Variants in TOX3 observed in about 807,000 individuals in gnomAD.
TOX3 encodes the protein TOX high mobility group box family member 3.
Under a neutral mutation model 64.3 loss-of-function variants are expected in TOX3, and 22 were observed. That is an observed-to-expected ratio of 0.34 (90% CI 0.24 to 0.49). The LOEUF is 0.49. TOX3 is among the 20% of genes least tolerant of loss of function. TOX3 has a pLI of 0.99. For missense variants in TOX3, 661 were observed against 714.4 expected (o/e 0.93, Z 0.85); for synonymous variants, 291 against 273.6 (o/e 1.06, Z -0.63).
chr16:52,533,472 C>T (rs911382610), intron 1 of TOX3, among the ~76,000 whole-genome samples: 1 of 152,170 alleles, frequency 6.6e-6, no homozygotes, highest in Non-Finnish European at 1.5e-5. Context: ...AAGCCATCTT[C>T]GACACCTCCC....
At chr16:52,529,920 A>G (rs1312410374) in intron 1 of TOX3, among the ~76,000 whole-genome samples, 4 of 152,252 alleles carry the variant, frequency 2.6e-5, no homozygotes, top group African/African-American at 9.6e-5. Context: ...GTGCAATTCA[A>G]TAAAGCAGAG....
intron 5 of TOX3, chr16:52,445,669 T>G: frequency 4.0e-6 from 1 of 250,264 alleles, no homozygotes; most frequent in Non-Finnish European, 7.7e-6. Context: ...TGTAGTGCCC[T>G]TTTTGAACAA....
chr16:52,524,419 T>G (rs189349207), intron 1 of TOX3, among the ~76,000 whole-genome samples: 1 of 152,350 alleles, frequency 6.6e-6, no homozygotes, highest in African/African-American at 2.4e-5. Context: ...CAATTCTTTC[T>G]TCCTAAAATT....
At chr16:52,473,220 A>C (rs1961100283) in intron 1 of TOX3, among the ~76,000 whole-genome samples, 1 of 152,142 alleles carries the variant, frequency 6.6e-6, no homozygotes, top group Non-Finnish European at 1.5e-5. Context: ...TAATCACAAG[A>C]CGAATACTTC....
intron 1 of TOX3, among the ~76,000 whole-genome samples, chr16:52,545,635 G>A (rs3891563): frequency 6.6e-6 from 1 of 152,222 alleles, no homozygotes; most frequent in African/African-American, 2.4e-5. Context: ...GGGAGGAGCA[G>A]GAGGAAGGGG....
intron 6 of TOX3, among the ~76,000 whole-genome samples, chr16:52,441,866 G>C (rs747729260): frequency 6.6e-6 from 1 of 152,178 alleles, no homozygotes; most frequent in Non-Finnish European, 1.5e-5. Context: ...GGGGCTGCAT[G>C]TTCCTGAACC....
At chr16:52,519,181 T>C (rs1245953140) in intron 1 of TOX3, among the ~76,000 whole-genome samples, 3 of 152,344 alleles carry the variant, frequency 2.0e-5, no homozygotes, top group Non-Finnish European at 2.9e-5. Flanking sequence ...TCTTCAGTTA[T>C]CTACAAATAC....
chr16:52,463,257 C>T (rs1455606516), intron 3 of TOX3, among the ~76,000 whole-genome samples: 1 of 152,030 alleles, frequency 6.6e-6, no homozygotes, highest in Admixed American at 6.6e-5. Flanking sequence ...AAGAAAAATC[C>T]CAGCAGAAGA....
intron 1 of TOX3, among the ~76,000 whole-genome samples, chr16:52,506,608 T>C (rs1464579136): frequency 6.6e-6 from 1 of 152,062 alleles, no homozygotes; most frequent in Admixed American, 6.6e-5. Context: ...CTACCATAAA[T>C]TGTTCATAAC....
At chr16:52,498,371 G>A (rs1354618676) in intron 1 of TOX3, among the ~76,000 whole-genome samples, 1 of 152,168 alleles carries the variant, frequency 6.6e-6, no homozygotes, top group Non-Finnish European at 1.5e-5. Context: ...TATTAAAGTT[G>A]ACCTATCCAT....
upstream of TOX3, chr16:52,547,686 TAGCCGGG>T (rs1427016554): frequency 6.6e-6 from 1 of 152,160 alleles, no homozygotes; most frequent in East Asian, 1.9e-4. Flanking sequence ...TGTCTCCCGG[TAGCCGGG>T]AGCCGGGACC....
intron 1 of TOX3, among the ~76,000 whole-genome samples, chr16:52,538,180 C>G (rs1416496613): frequency 6.6e-6 from 1 of 152,120 alleles, no homozygotes; most frequent in East Asian, 1.9e-4. Flanking sequence ...CATCAAGGAG[C>G]AGCACGATGG....
At chr16:52,546,021 T>TA (rs1963172439) in intron 1 of TOX3, among the ~76,000 whole-genome samples, 1 of 152,170 alleles carries the variant, frequency 6.6e-6, no homozygotes. Flanking sequence ...AGAAGCCACT[T>TA]ACTCTAAGCG....
intron 1 of TOX3, among the ~76,000 whole-genome samples, chr16:52,490,035 C>T (rs1051923008): frequency 6.6e-6 from 1 of 152,162 alleles, no homozygotes; most frequent in Non-Finnish European, 1.5e-5. Context: ...CCAAATCTCA[C>T]GTTGAATTGA....
rs1278497746 is a variant in TOX3 at position 52,437,572 on chromosome 16, C to T, written c.*1653G>A. On this transcript the variant is annotated 3_prime_UTR_variant, in exon 7 of 7. Transcript: ENST00000219746. The stretch of plus-strand genomic sequence containing the variant: ...AGGACAGATGCTGTAATTAATCATG[C>T]AAGACAACTGGGGATAGTGGTCACA... 2 of 152,444 alleles carry T rather than the reference C, an allele frequency of 1.3e-5. No homozygotes were observed. The highest frequency in any genetic ancestry group is 4.8e-5 in the African/African-American group (2 of 41,418). The allele number at this position is 152,444 out of a possible 1,614,324, so 9.4% of individuals were successfully genotyped here. A position where few individuals can be genotyped will look rare whatever the true frequency, so the allele number is the denominator to read the frequency against.
intron 5 of TOX3, 75 bp from the exon 6 acceptor site, chr16:52,444,431 G>A: frequency 5.5e-6 from 7 of 1,267,450 alleles, no homozygotes; most frequent in South Asian, 1.5e-5. Flanking sequence ...GCACAAATTA[G>A]GTCACATAAA....
At chr16:52,507,477 A>T (rs1189804479) in intron 1 of TOX3, among the ~76,000 whole-genome samples, 1 of 152,230 alleles carries the variant, frequency 6.6e-6, no homozygotes, top group Non-Finnish European at 1.5e-5. Context: ...TGACTTAAAG[A>T]ATATAAGTTC....
chr16:52,513,825 T>C (rs1257249146), intron 1 of TOX3, among the ~76,000 whole-genome samples: 1 of 152,238 alleles, frequency 6.6e-6, no homozygotes, highest in African/African-American at 2.4e-5. Flanking sequence ...TTATGATTTG[T>C]GCATTTTATA....
At chr16:52,485,119 ATG>A (rs1419853892) in intron 1 of TOX3, among the ~76,000 whole-genome samples, 41 of 141,266 alleles carry the variant, frequency 2.9e-4, no homozygotes, top group Middle Eastern at 7.3e-3. Context: ...GTATGTATAT[ATG>A]TGTGTGTATA....
Sources: allele counts gnomAD v4.1 joint callset (sites outside exome capture counted in the v4.1 genomes callset), GRCh38; gene constraint gnomAD v4.1.1; transcripts MANE v1.5; gene names NCBI Gene and HGNC (gene_info 2026-07-23, HGNC 2026-07-21).